Variants in TMEM117 observed in about 807,000 individuals in gnomAD.
The protein encoded by TMEM117 is transmembrane protein 117.
TMEM117 carries 27 observed loss-of-function variants against 52.4 expected under a neutral mutation model. The ratio of observed to expected loss-of-function variants is 0.51; its 90% CI spans 0.38 to 0.71. TMEM117 has a LOEUF of 0.71. TMEM117 is among the 30% of genes least tolerant of loss of function. The probability of loss-of-function intolerance (pLI) is 0.00; values close to 1 mark genes in which losing one functional copy is unlikely to be tolerated. For missense variants in TMEM117, 556 were observed against 630.5 expected (o/e 0.88, Z 1.26); for synonymous variants, 215 against 206.3 (o/e 1.04, Z -0.36).
At chr12:44,339,615 T>G (rs1164211436) in intron 6 of TMEM117, among the ~76,000 whole-genome samples, 1 of 151,902 alleles carries the variant, frequency 6.6e-6, no homozygotes, top group Non-Finnish European at 1.5e-5. Flanking sequence ...AATCAGTAAC[T>G]AATTAGAAAA....
intron 3 of TMEM117, among the ~76,000 whole-genome samples, chr12:44,138,377 GAGTAA>G (rs955406556): frequency 4.9e-4 from 75 of 152,174 alleles, no homozygotes; most frequent in African/African-American, 1.6e-3. Flanking sequence ...CTAATGTTGA[GAGTAA>G]AGGAAAGGGA....
At chr12:44,059,476 A>G (rs1947106555) in intron 3 of TMEM117, among the ~76,000 whole-genome samples, 1 of 152,176 alleles carries the variant, frequency 6.6e-6, no homozygotes, top group Non-Finnish European at 1.5e-5. Context: ...TAGTTGTTTA[A>G]GAATGTGTGA....
At chr12:44,016,670 A>G (rs1397108822) in intron 3 of TMEM117, among the ~76,000 whole-genome samples, 3 of 152,328 alleles carry the variant, frequency 2.0e-5, no homozygotes, top group East Asian at 3.9e-4. Context: ...GGAAATACAA[A>G]GTCACAGTTT....
At chr12:43,910,236 C>A (rs1485852793) in intron 2 of TMEM117, among the ~76,000 whole-genome samples, 1 of 151,722 alleles carries the variant, frequency 6.6e-6, no homozygotes, top group Admixed American at 6.6e-5. Flanking sequence ...AGAACCAAAG[C>A]CAAAAACCAC....
At chr12:43,807,809 G>A in the TMEM117 span, among the ~76,000 whole-genome samples, 1 of 152,146 alleles carries the variant, frequency 6.6e-6, no homozygotes, top group African/African-American at 2.4e-5. Flanking sequence ...AAAGCTGCAA[G>A]CGTCTTGGGT....
chr12:44,105,495 G>T (rs947218137), intron 3 of TMEM117, among the ~76,000 whole-genome samples: 4 of 145,906 alleles, frequency 2.7e-5, no homozygotes, highest in African/African-American at 1.1e-4. Context: ...TCTTCAAAGT[G>T]TGTTTTTTTT....
At chr12:44,084,025 A>G (rs1038823973) in intron 3 of TMEM117, among the ~76,000 whole-genome samples, 148 of 152,338 alleles carry the variant, frequency 9.7e-4, no homozygotes, top group African/African-American at 3.3e-3. Context: ...TCTCTAAAGC[A>G]GTACGTTTTA....
intron 4 of TMEM117, among the ~76,000 whole-genome samples, chr12:44,154,370 C>G (rs1433862724): frequency 2.0e-5 from 3 of 152,056 alleles, no homozygotes; most frequent in East Asian, 1.9e-4. Context: ...TTGTTCTTGA[C>G]TACTGACCAG....
intron 1 of TMEM117, among the ~76,000 whole-genome samples, chr12:43,840,114 T>C (rs1437307289): frequency 8.5e-5 from 13 of 152,328 alleles, no homozygotes; most frequent in African/African-American, 3.1e-4. Context: ...TTTATTTTTC[T>C]AACTAACGTA....
intron 7 of TMEM117, among the ~76,000 whole-genome samples, chr12:44,381,433 G>C (rs928404348): frequency 2.0e-4 from 31 of 152,252 alleles, no homozygotes; most frequent in African/African-American, 7.5e-4. Context: ...TTCAGTCTCG[G>C]AAGCTCCTCT....
At chr12:44,187,881 C>A (rs148875988) in intron 4 of TMEM117, among the ~76,000 whole-genome samples, 11 of 152,112 alleles carry the variant, frequency 7.2e-5, no homozygotes, top group Non-Finnish European at 1.6e-4. Context: ...ATTGATCTAT[C>A]TATTCACTAC....
intron 4 of TMEM117, among the ~76,000 whole-genome samples, chr12:44,157,404 G>A (rs911544132): frequency 1.3e-5 from 2 of 152,106 alleles, no homozygotes. Context: ...AAATTACAGT[G>A]TTTCATACAT....
chr12:43,970,182 A>G (rs1162227375), intron 3 of TMEM117, among the ~76,000 whole-genome samples: 1 of 152,190 alleles, frequency 6.6e-6, no homozygotes, highest in Non-Finnish European at 1.5e-5. Context: ...AATGTACAAC[A>G]GTGCTTGTGT....
intron 3 of TMEM117, among the ~76,000 whole-genome samples, chr12:44,057,726 A>C (rs2137944834): frequency 6.6e-6 from 1 of 152,170 alleles, no homozygotes; most frequent in Non-Finnish European, 1.5e-5. Context: ...TTCTGTCTAG[A>C]TTCTGGCTCT....
chr12:44,336,782 G>A (rs1951346985), intron 6 of TMEM117, among the ~76,000 whole-genome samples: 1 of 151,812 alleles, frequency 6.6e-6, no homozygotes, highest in Non-Finnish European at 1.5e-5. Flanking sequence ...AAATGATTAA[G>A]TCTAGATTGT....
chr12:43,823,002 C>T, the TMEM117 span, among the ~76,000 whole-genome samples: 10 of 151,988 alleles, frequency 6.6e-5, no homozygotes, highest in African/African-American at 2.2e-4. Flanking sequence ...ATGGAACCCA[C>T]AGTACACGTT....
the TMEM117 span, among the ~76,000 whole-genome samples, chr12:43,814,459 T>C: frequency 6.6e-6 from 1 of 152,300 alleles, no homozygotes; most frequent in East Asian, 1.9e-4. Flanking sequence ...CACCTAACCC[T>C]GCTCGTCCTG....
chr12:43,891,110 G>A (rs1944094893), intron 2 of TMEM117, among the ~76,000 whole-genome samples: 1 of 152,006 alleles, frequency 6.6e-6, no homozygotes, highest in South Asian at 2.1e-4. Context: ...CATCTTTGAT[G>A]TGTCTCAATT....
At chr12:44,338,581 G>A (rs563913255) in intron 6 of TMEM117, among the ~76,000 whole-genome samples, 13 of 151,752 alleles carry the variant, frequency 8.6e-5, no homozygotes, top group Admixed American at 3.9e-4. Flanking sequence ...TATTACAATG[G>A]AAATTAAGGA....
Sources: gnomAD v4.1 joint callset for allele counts (sites outside exome capture counted in the v4.1 genomes callset) on GRCh38, gnomAD v4.1.1 for gene constraint, MANE v1.5 for transcripts, NCBI Gene and HGNC (gene_info 2026-07-23, HGNC 2026-07-21) for gene names.